Variants in COL4A6 observed in about 807,000 individuals in gnomAD.
COL4A6 encodes the protein collagen type IV alpha 6 chain.
Under a neutral mutation model 126.7 loss-of-function variants are expected in COL4A6, and 59 were observed. That is an observed-to-expected ratio of 0.47 (90% CI 0.38 to 0.58). COL4A6 has a LOEUF of 0.58. COL4A6 is among the 20% of genes least tolerant of loss of function. The probability of loss-of-function intolerance (pLI) is 0.00; values close to 1 mark genes in which losing one functional copy is unlikely to be tolerated. For missense variants in COL4A6, 1,285 were observed against 1,337.3 expected, an observed-to-expected ratio of 0.96 and a Z score of 0.61; for synonymous variants, 547 against 496.6, an observed-to-expected ratio of 1.10 and a Z score of -1.35.
intron 8 of COL4A6, among the ~76,000 whole-genome samples, chrX:108,209,499 A>G (rs182445578): frequency 8.9e-6 from 1 of 112,074 alleles, no homozygotes; most frequent in Admixed American, 9.5e-5. Flanking sequence ...AAGTGACGAC[A>G]ATGTGGAATC....
rs574111228 is a variant in COL4A6, at chrX:108,351,440, C to CTGTGTGTG, written c.64-40613_64-40612insCACACACA. Among the ~76,000 whole-genome samples the CTGTGTGTG allele has an allele frequency of 6.5e-3, 634 of 97,862 alleles. 4 individuals carry two copies. Among genetic ancestry groups the CTGTGTGTG allele is most frequent in the Admixed American group, 0.034 (285 of 8,450 alleles). 85.0% of individuals were successfully genotyped at this position (97,862 alleles called of 115,157 possible). On this transcript the variant is annotated intron_variant, in intron 2 of 44. Transcript: ENST00000334504. ...ATTAAAAAAGGAGGTAACTCTCTCTCTCTGTGTGTGTGTGTGTGTGTGTGT... is the reference window on the plus strand; with the variant it reads ...ATTAAAAAAGGAGGTAACTCTCTCTCTGTGTGTGTCTGTGTGTGTGTGTGTGTGTGTGT...
chrX:108,326,813 T>C (rs997503466), intron 2 of COL4A6, among the ~76,000 whole-genome samples: 1 of 112,273 alleles, frequency 8.9e-6, no homozygotes, highest in Non-Finnish European at 1.9e-5. Context: ...ATATTGTAAA[T>C]GTAAATATAA....
intron 3 of COL4A6, among the ~76,000 whole-genome samples, chrX:108,291,186 G>T (rs902961563): frequency 3.6e-5 from 4 of 111,567 alleles, no homozygotes; most frequent in Non-Finnish European, 7.5e-5. Context: ...CTCTCATTAG[G>T]ACCTTATTTA....
At chrX:108,178,084 C>T (rs2034553366) in intron 27 of COL4A6, among the ~76,000 whole-genome samples, 1 of 112,384 alleles carries the variant, frequency 8.9e-6, no homozygotes, top group South Asian at 3.8e-4. Flanking sequence ...CTGCAAATAA[C>T]TCAGCTTCAG....
At chrX:108,387,080 T>A (rs1289633201) in intron 2 of COL4A6, among the ~76,000 whole-genome samples, 1 of 111,682 alleles carries the variant, frequency 9.0e-6, no homozygotes, top group African/African-American at 3.3e-5. Flanking sequence ...TCTATATATA[T>A]TTTGGTACCA....
At chrX:108,244,205 A>G (rs1332068343) in intron 3 of COL4A6, among the ~76,000 whole-genome samples, 2 of 109,575 alleles carry the variant, frequency 1.8e-5, no homozygotes, top group East Asian at 2.9e-4. Context: ...CTGCCATAAC[A>G]TGTTATTTAG....
intron 3 of COL4A6, among the ~76,000 whole-genome samples, chrX:108,290,713 G>T (rs1314428682): frequency 8.9e-6 from 1 of 112,062 alleles, no homozygotes; most frequent in Admixed American, 9.4e-5. Context: ...TTTGGTCTTT[G>T]TCATAATCTG....
At chrX:108,283,592 G>C (rs940559658) in intron 3 of COL4A6, among the ~76,000 whole-genome samples, 2 of 109,560 alleles carry the variant, frequency 1.8e-5, no homozygotes, top group African/African-American at 3.3e-5. Flanking sequence ...TTTTTTTGGG[G>C]GGGGGTTGGC....
chrX:108,318,526 T>C (rs1489271945), intron 2 of COL4A6, among the ~76,000 whole-genome samples: 10 of 110,912 alleles, frequency 9.0e-5, no homozygotes, highest in Non-Finnish European at 1.7e-4. Flanking sequence ...TTCAGCAAAG[T>C]CTCAGGATAC....
At chrX:108,314,518 C>G (rs895317433) in intron 2 of COL4A6, among the ~76,000 whole-genome samples, 17 of 111,915 alleles carry the variant, frequency 1.5e-4, no homozygotes, top group Non-Finnish European at 2.3e-4. Context: ...TTGCAATGTT[C>G]CTAAGGTTGC....
At chrX:108,343,134 A>AATAT (rs555568295) in intron 2 of COL4A6, among the ~76,000 whole-genome samples, 22 of 55,188 alleles carry the variant, frequency 4.0e-4, no homozygotes, top group African/African-American at 6.6e-4. Flanking sequence ...GATTAATGGG[A>AATAT]ATATATATAT....
intron 2 of COL4A6, among the ~76,000 whole-genome samples, chrX:108,360,361 T>C (rs751587824): frequency 2.7e-5 from 3 of 111,623 alleles, no homozygotes; most frequent in African/African-American, 6.5e-5. Context: ...CTGATAATAT[T>C]TGGGAGACAA....
chrX:108,345,557 C>T (rs1444598260), intron 2 of COL4A6, among the ~76,000 whole-genome samples: 1 of 111,392 alleles, frequency 9.0e-6, no homozygotes, highest in African/African-American at 3.3e-5. Context: ...ATTACAAAAC[C>T]AGGTGTGAGC....
At chrX:108,256,710 C>G (rs1222873451) in intron 3 of COL4A6, among the ~76,000 whole-genome samples, 1 of 111,153 alleles carries the variant, frequency 9.0e-6, no homozygotes, top group Non-Finnish European at 1.9e-5. Flanking sequence ...CACCCCGAGA[C>G]CTACTGAATC....
intron 2 of COL4A6, among the ~76,000 whole-genome samples, chrX:108,405,644 G>A (rs1395179136): frequency 9.0e-6 from 1 of 111,379 alleles, no homozygotes; most frequent in Non-Finnish European, 1.9e-5. Flanking sequence ...TTCTCCTTGA[G>A]TAAACCCATC....
intron 2 of COL4A6, among the ~76,000 whole-genome samples, chrX:108,355,641 G>A (rs1238913800): frequency 8.9e-6 from 1 of 111,911 alleles, no homozygotes. Flanking sequence ...GGCAGGGAGG[G>A]ACCTACTTTA....
intron 2 of COL4A6, among the ~76,000 whole-genome samples, chrX:108,362,989 A>G (rs1233470778): frequency 1.8e-5 from 2 of 112,062 alleles, no homozygotes; most frequent in Non-Finnish European, 1.9e-5. Context: ...ATTCAAGACA[A>G]TGAAGTCTCC....
chrX:108,305,389 T>C (rs1206457874), intron 3 of COL4A6, among the ~76,000 whole-genome samples: 1 of 111,839 alleles, frequency 8.9e-6, no homozygotes, highest in Non-Finnish European at 1.9e-5. Context: ...GAGATAATAT[T>C]GGAGAGGTAG....
chrX:108,287,563 A>C (rs918256589), intron 3 of COL4A6, among the ~76,000 whole-genome samples: 1 of 111,461 alleles, frequency 9.0e-6, no homozygotes, highest in African/African-American at 3.3e-5. Flanking sequence ...GTGAGTTATA[A>C]AGTTTTCTAT....
Sources: allele counts gnomAD v4.1 joint callset (sites outside exome capture counted in the v4.1 genomes callset), GRCh38; gene constraint gnomAD v4.1.1; transcripts MANE v1.5; gene names NCBI Gene and HGNC (gene_info 2026-07-23, HGNC 2026-07-21).